Variants in NCOA2 observed in about 807,000 individuals in gnomAD.
NCOA2 encodes nuclear receptor coactivator 2, also known as class E basic helix-loop-helix protein 75.
NCOA2 carries 21 observed loss-of-function variants against 145.1 expected under a neutral mutation model. That is an observed-to-expected ratio of 0.14 (90% CI 0.10 to 0.21). The LOEUF (loss-of-function observed/expected upper bound fraction) is 0.21, where lower values mean the gene tolerates loss of function less well. NCOA2 is among the 10% of genes least tolerant of loss of function. The pLI, the probability that NCOA2 is intolerant of heterozygous loss-of-function variation, is 1.00. For missense variants in NCOA2, 1,472 were observed against 1,837.6 expected, an observed-to-expected ratio of 0.80 and a Z score of 3.64; for synonymous variants, 619 against 637.5, an observed-to-expected ratio of 0.97 and a Z score of 0.44.
chr8:70,212,094 T>C (rs989697327), intron 4 of NCOA2, among the ~76,000 whole-genome samples: 4 of 149,454 alleles, frequency 2.7e-5, no homozygotes, highest in Non-Finnish European at 4.4e-5. Flanking sequence ...TATATATATA[T>C]ATATATTTGT....
intron 4 of NCOA2, among the ~76,000 whole-genome samples, chr8:70,196,583 A>G (rs1216175088): frequency 6.6e-6 from 1 of 152,182 alleles, no homozygotes; most frequent in Non-Finnish European, 1.5e-5. Flanking sequence ...ACTACAGCCT[A>G]CATAAGATTT....
At chr8:70,205,322 C>G (rs1387880740) in intron 4 of NCOA2, among the ~76,000 whole-genome samples, 1 of 152,096 alleles carries the variant, frequency 6.6e-6, no homozygotes, top group Non-Finnish European at 1.5e-5. Context: ...TACAAATAAT[C>G]ACACCAAAGT....
At chr8:70,440,490 C>T in the NCOA2 span, among the ~76,000 whole-genome samples, 2 of 152,030 alleles carry the variant, frequency 1.3e-5, no homozygotes, top group East Asian at 1.9e-4. Flanking sequence ...ACGAGAATTG[C>T]TTGAACCTGG....
intron 4 of NCOA2, among the ~76,000 whole-genome samples, chr8:70,187,158 A>T (rs756589897): frequency 2.6e-5 from 4 of 152,204 alleles, no homozygotes; most frequent in Non-Finnish European, 5.9e-5. Flanking sequence ...GGCCTTAGAA[A>T]TGGCTGGCAC....
intron 1 of NCOA2, among the ~76,000 whole-genome samples, chr8:70,348,985 T>C (rs551630415): frequency 9.4e-4 from 116 of 122,764 alleles, no homozygotes; most frequent in African/African-American, 3.3e-3. Context: ...AGGGAAAAAA[T>C]TGAAAATGTG....
At chr8:70,455,089 T>A in the NCOA2 span, among the ~76,000 whole-genome samples, 1 of 152,248 alleles carries the variant, frequency 6.6e-6, no homozygotes, top group African/African-American at 2.4e-5. Flanking sequence ...ATAGAAGAGA[T>A]GAAATATTTA....
At chr8:70,265,199 G>A (rs1430794973) in intron 2 of NCOA2, among the ~76,000 whole-genome samples, 1 of 152,124 alleles carries the variant, frequency 6.6e-6, no homozygotes, top group Non-Finnish European at 1.5e-5. Context: ...CCTTATGATG[G>A]AATTAGTGTC....
chr8:70,397,229 C>T (rs1813753856), intron 1 of NCOA2, among the ~76,000 whole-genome samples: 1 of 152,102 alleles, frequency 6.6e-6, no homozygotes, highest in South Asian at 2.1e-4. Context: ...GAGGCTGAGG[C>T]AGGCAGGAGG....
the NCOA2 span, among the ~76,000 whole-genome samples, chr8:70,442,885 T>C: frequency 6.6e-6 from 1 of 152,192 alleles, no homozygotes; most frequent in Non-Finnish European, 1.5e-5. Context: ...AGGATTCCAA[T>C]GTCTCACATT....
chr8:70,145,875 C>G (rs1811005495), intron 12 of NCOA2, among the ~76,000 whole-genome samples: 1 of 152,136 alleles, frequency 6.6e-6, no homozygotes, highest in South Asian at 2.1e-4. Context: ...AAGTGATCCT[C>G]CTGCCTTGGC....
chr8:70,410,268 C>T, the NCOA2 span, among the ~76,000 whole-genome samples: 3 of 152,040 alleles, frequency 2.0e-5, no homozygotes, highest in African/African-American at 7.2e-5. Flanking sequence ...GCAATTGGAA[C>T]TCTTATTCTT....
chr8:70,267,967 T>G (rs1188104671), intron 2 of NCOA2, among the ~76,000 whole-genome samples: 1 of 152,236 alleles, frequency 6.6e-6, no homozygotes, highest in African/African-American at 2.4e-5. Context: ...ACTTCCTATT[T>G]GAAGCAGGAT....
At chr8:70,385,275 T>C (rs971795404) in intron 1 of NCOA2, among the ~76,000 whole-genome samples, 2 of 152,154 alleles carry the variant, frequency 1.3e-5, no homozygotes, top group African/African-American at 4.8e-5. Context: ...TGCAGGTGAT[T>C]CAAAGTGACA....
chr8:70,213,057 C>T (rs1297743482), intron 4 of NCOA2, among the ~76,000 whole-genome samples: 1 of 148,866 alleles, frequency 6.7e-6, no homozygotes, highest in Admixed American at 6.7e-5. Flanking sequence ...TGCACCCCAG[C>T]CTGGGCGATA....
intron 1 of NCOA2, among the ~76,000 whole-genome samples, chr8:70,375,646 T>C (rs1389412675): frequency 6.6e-6 from 1 of 152,176 alleles, no homozygotes; most frequent in East Asian, 1.9e-4. Context: ...GTGATACTGA[T>C]TCTAACTTCA....
intron 4 of NCOA2, among the ~76,000 whole-genome samples, chr8:70,183,846 A>G (rs990054899): frequency 6.6e-6 from 1 of 152,184 alleles, no homozygotes; most frequent in African/African-American, 2.4e-5. Context: ...GCTGTAAGAA[A>G]TGACTTTTTA....
At chr8:70,445,290 A>G in the NCOA2 span, among the ~76,000 whole-genome samples, 1 of 152,354 alleles carries the variant, frequency 6.6e-6, no homozygotes, top group East Asian at 1.9e-4. Context: ...CAAAGAACCA[A>G]TAGAGTAAAT....
intron 4 of NCOA2, among the ~76,000 whole-genome samples, chr8:70,192,886 G>T (rs1816841930): frequency 6.6e-6 from 1 of 151,896 alleles, no homozygotes; most frequent in African/African-American, 2.4e-5. Context: ...GACCAACATG[G>T]TGAAAACTCA....
intron 2 of NCOA2, among the ~76,000 whole-genome samples, chr8:70,271,267 T>C (rs79963800): frequency 0.035 from 5,273 of 152,192 alleles, 302 homozygotes; most frequent in African/African-American, 0.12. Context: ...TAACAAAAAA[T>C]AAAAAACAAG....
Sources: allele counts gnomAD v4.1 joint callset (sites outside exome capture counted in the v4.1 genomes callset), GRCh38; gene constraint gnomAD v4.1.1; transcripts MANE v1.5; gene names NCBI Gene and HGNC (gene_info 2026-07-23, HGNC 2026-07-21).